LRP4: variants seen among roughly 807,000 people sequenced by gnomAD.
LRP4 encodes LDL receptor related protein 4.
Under a neutral mutation model 220.3 loss-of-function variants are expected in LRP4, and 95 were observed. The ratio of observed to expected loss-of-function variants is 0.43; its 90% CI spans 0.37 to 0.51. The LOEUF is 0.51. LRP4 is among the 20% of genes least tolerant of loss of function. The pLI is 0.00. For synonymous variants in LRP4, 903 were observed against 954.6 expected, an observed-to-expected ratio of 0.95 and a Z score of 1.00; for missense variants, 1,925 against 2,567.0, an observed-to-expected ratio of 0.75 and a Z score of 5.40.
intron 15 of LRP4, 115 bp downstream of exon 15, chr11:46,889,829 T>C: frequency 8.2e-7 from 1 of 1,219,960 alleles, no homozygotes; most frequent in Middle Eastern, 2.3e-4. Context: ...AGTGCCCTGC[T>C]GGATTTCCCC....
intron 1 of LRP4, among the ~76,000 whole-genome samples, chr11:46,905,451 T>TC (rs1347987640): frequency 3.3e-5 from 5 of 152,218 alleles, no homozygotes; most frequent in Admixed American, 2.6e-4. Context: ...GGATATTTTG[T>TC]CCCCCGGAGG....
chr11:46,897,050 C>A, intron 7 of LRP4, 56 bp from the exon 8 acceptor site: 1 of 1,611,906 alleles, frequency 6.2e-7, no homozygotes, highest in Non-Finnish European at 8.5e-7. Flanking sequence ...TGAAATTCTC[C>A]CTGCCACCCA....
At chr11:46,917,440 A>T (rs1247270765) in intron 1 of LRP4, among the ~76,000 whole-genome samples, 1 of 152,118 alleles carries the variant, frequency 6.6e-6, no homozygotes, top group African/African-American at 2.4e-5. Flanking sequence ...GCCCGCGGAG[A>T]AGCAGATTCC....
At chr11:46,898,821 C>G in intron 6 of LRP4, 83 bp downstream of exon 6, 2 of 1,606,790 alleles carry the variant, frequency 1.2e-6, no homozygotes, top group East Asian at 4.5e-5. Context: ...TGAACTCCTG[C>G]CCCAGCTGGC....
rs140495790 is a variant in LRP4, at chr11:46,871,604, C to T, written c.4613G>A (p.Arg1538Gln). ...RIYWVDAHLD[R>Q]IESADLNGKL... ...CCCATTGAGGTCAGCACTCTCGATCCGGTCCAGATGCGCATCCACCCAGTA... is the reference window on the plus strand; with the variant it reads ...CCCATTGAGGTCAGCACTCTCGATCTGGTCCAGATGCGCATCCACCCAGTA... Residue 1538 changes from arginine to glutamine, a missense_variant, in exon 31 of 38, where the codon CGG becomes CAG. Coordinates refer to ENST00000378623, the MANE Select transcript of LRP4 (RefSeq NM_002334.4). 8.2e-4 allele frequency: 1,322 copies of T among 1,612,658 alleles called. 14 individuals are homozygous for T. In the South Asian group the frequency reaches 0.013, roughly 16 times the overall value.
Position 46,883,930 on chromosome 11 carries a change from T to C in LRP4, c.2553A>G (p.Thr851=), listed in dbSNP as rs1416018059. ...EVANTDGSMR[T]VLIWENLDRP... is the part of the protein sequence containing the mutation. ...GATCAAGGTTCTCCCAGATGAGTAC[T>C]GTTCTCATGCTGCCATCTGTGTTGG... The change falls in exon 19 of 38, where the codon ACA becomes ACG. Residue 851 remains threonine, a synonymous_variant. Coordinates refer to ENST00000378623, the MANE Select transcript of LRP4 (RefSeq NM_002334.4). 6.2e-7 allele frequency: 1 copy of C among 1,614,254 alleles called. No individual in the cohort carries two copies. Among genetic ancestry groups the C allele is most frequent in the Non-Finnish European group, 8.5e-7 (1 of 1,180,036 alleles).
chr11:46,917,220 A>G (rs941558573), intron 1 of LRP4, among the ~76,000 whole-genome samples: 9 of 152,222 alleles, frequency 5.9e-5, no homozygotes, highest in African/African-American at 2.2e-4. Context: ...AAGAACCGGT[A>G]AAAGACCAGG....
At chr11:46,871,488 T>G in intron 31 of LRP4, 37 bp downstream of exon 31, 4 of 1,386,920 alleles carry the variant, frequency 2.9e-6, no homozygotes, top group Non-Finnish European at 4.1e-6. Context: ...AACATCCCAG[T>G]CAAGGAGGTT....
At chr11:46,892,571 T>A (rs1941445289) in intron 13 of LRP4, among the ~76,000 whole-genome samples, 2 of 12,920 alleles carry the variant, frequency 1.5e-4, no homozygotes, top group South Asian at 4.8e-3. Context: ...ACATCATACT[T>A]TTTTTTTTTT....
At chr11:46,872,803 A>C (rs1227950942) in intron 30 of LRP4, among the ~76,000 whole-genome samples, 1 of 152,178 alleles carries the variant, frequency 6.6e-6, no homozygotes, top group African/African-American at 2.4e-5. Flanking sequence ...TAACAAATAT[A>C]AGAATCAGCC....
intron 28 of LRP4, 30 bp downstream of exon 28, chr11:46,874,770 G>A (rs1028729489): frequency 1.2e-6 from 2 of 1,602,962 alleles, no homozygotes; most frequent in African/African-American, 2.7e-5. Flanking sequence ...GCAAATCTGT[G>A]TCTTCTGGAG....
intron 25 of LRP4, 106 bp downstream of exon 25, chr11:46,876,360 T>A: frequency 7.3e-7 from 1 of 1,370,046 alleles, no homozygotes. Flanking sequence ...GGAGGTCACC[T>A]TGTTTCTGTG....
In LRP4 at chr11:46,899,055, GA is replaced by G; in HGVS notation, c.548-24del. 1 of 1,606,238 alleles carries G rather than the reference GA, an allele frequency of 6.2e-7. No individual in the cohort carries two copies. Among genetic ancestry groups the G allele is most frequent in the Non-Finnish European group, 8.5e-7 (1 of 1,175,040 alleles). On this transcript the variant is annotated intron_variant, in intron 5 of 37. Transcript: ENST00000378623. This position sits in a 1 kb window ranked among gnomAD's most constrained non-coding sequence, Gnocchi z 5.9. The stretch of plus-strand genomic sequence containing the variant: ...AGGCTGGAGGGAAGGCAGGGGTGGG[GA>G]GGGGCACACACTCAGGCCTGGATGA...
rs1409347100 is a variant in LRP4, at chr11:46,918,514, G to GGCC, written c.-138_-136dup. ...CTGCGCGCCCCGCAAGTCGCCCTCG[G>GGCC]GCCGCCGCCGCCTCCAGTGCTGCCA... is the stretch of plus-strand genomic sequence containing the variant. On this transcript the variant is annotated 5_prime_UTR_variant, in exon 1 of 38. Coordinates refer to ENST00000378623, the MANE Select transcript of LRP4 (RefSeq NM_002334.4). The surrounding 1 kb of genome is among the most constrained non-coding windows in gnomAD (Gnocchi z 6.0). 3 of 464,082 alleles carry GGCC rather than the reference G, an allele frequency of 6.5e-6. No homozygotes were observed. Among genetic ancestry groups the GGCC allele is most frequent in the Non-Finnish European group, 9.1e-6 (3 of 327,898 alleles). The allele number at this position is 464,082 out of a possible 1,614,324, so 28.7% of individuals were successfully genotyped here.
intron 1 of LRP4, among the ~76,000 whole-genome samples, chr11:46,915,838 G>A (rs1001866371): frequency 3.3e-5 from 5 of 152,152 alleles, no homozygotes; most frequent in Non-Finnish European, 5.9e-5. Context: ...TTTAATTCAT[G>A]CCTTGCTGAG....
In LRP4 at chr11:46,899,129, G is replaced by C; in HGVS notation, c.548-97C>G. ...AAGCAGGCAGGATGCTCAGGCAGGAGAGCTTCTTCAAGTGAGATGTAACCA... is the reference window on the plus strand; with the variant it reads ...AAGCAGGCAGGATGCTCAGGCAGGACAGCTTCTTCAAGTGAGATGTAACCA... On this transcript the variant is annotated intron_variant, in intron 5 of 37. Transcript: ENST00000378623. This position sits in a 1 kb window ranked among gnomAD's most constrained non-coding sequence, Gnocchi z 5.9. The C allele has an allele frequency of 2.4e-6, 3 of 1,236,170 alleles. No individual in the cohort carries two copies. The Admixed American group carries it at 5.7e-5, about 23-fold the overall frequency. 76.6% of individuals were successfully genotyped at this position (1,236,170 alleles called of 1,614,324 possible). A position where few individuals can be genotyped will look rare whatever the true frequency, so the allele number is the denominator to read the frequency against.
chr11:46,893,176 C>T (rs755824461), intron 12 of LRP4, 47 bp from the exon 13 acceptor site: 2 of 1,611,448 alleles, frequency 1.2e-6, no homozygotes, highest in South Asian at 2.2e-5. Flanking sequence ...AACCCAGGCC[C>T]CCATGTCCCA....
At chr11:46,865,339 C>T (rs1253108499) in intron 34 of LRP4, among the ~76,000 whole-genome samples, 153 bp from the exon 35 acceptor site, 3 of 152,172 alleles carry the variant, frequency 2.0e-5, no homozygotes, top group African/African-American at 7.2e-5. Flanking sequence ...AGGGCAACAA[C>T]AGGAAATGGA....
chr11:46,908,713 T>C (rs1020729483), intron 1 of LRP4, among the ~76,000 whole-genome samples: 2 of 152,230 alleles, frequency 1.3e-5, no homozygotes, highest in Non-Finnish European at 2.9e-5. Context: ...TAAAGAAAGA[T>C]TCATTTCCCT....
Sources: gnomAD v4.1 joint callset for allele counts (sites outside exome capture counted in the v4.1 genomes callset) on GRCh38, gnomAD v4.1.1 for gene constraint, Gnocchi (gnomAD v3.1) non-coding constraint, MANE v1.5 for transcripts, NCBI Gene and HGNC (gene_info 2026-07-23, HGNC 2026-07-21) for gene names.